Variants in GULP1 observed in about 807,000 individuals in gnomAD.
The protein encoded by GULP1 is GULP PTB domain containing engulfment adaptor 1, also known as PTB domain-containing engulfment adapter protein 1.
Under a neutral mutation model 40.9 loss-of-function variants are expected in GULP1, and 19 were observed. The ratio of observed to expected loss-of-function variants is 0.46; its 90% CI spans 0.32 to 0.68. GULP1 has a LOEUF of 0.68. Among genes scored for constraint, GULP1 ranks in the 30% least tolerant of loss-of-function variants. The pLI is 0.03. For synonymous variants in GULP1, 119 were observed against 117.6 expected (o/e 1.01, Z -0.08); for missense variants, 312 against 362.2 (o/e 0.86, Z 1.12).
chr2:188,470,954 A>G (rs2060538248), intron 2 of GULP1, among the ~76,000 whole-genome samples: 1 of 151,624 alleles, frequency 6.6e-6, no homozygotes, highest in African/African-American at 2.4e-5. Flanking sequence ...TTAAGTTTGA[A>G]GTTGCTTTGT....
chr2:188,499,067 A>G (rs934639863), intron 4 of GULP1, among the ~76,000 whole-genome samples: 2 of 149,146 alleles, frequency 1.3e-5, no homozygotes, highest in Non-Finnish European at 3.0e-5. Context: ...AATTAAATTC[A>G]TAAATGTATG....
At chr2:188,416,532 C>A (rs1339017241) in intron 2 of GULP1, among the ~76,000 whole-genome samples, 1 of 152,138 alleles carries the variant, frequency 6.6e-6, no homozygotes, top group Non-Finnish European at 1.5e-5. Context: ...AGGCTAGACA[C>A]TCAGTTTCAG....
chr2:188,555,638 A>T (rs1270863342), intron 7 of GULP1, among the ~76,000 whole-genome samples: 1 of 152,136 alleles, frequency 6.6e-6, no homozygotes, highest in Non-Finnish European at 1.5e-5. Context: ...TGTTTTTATA[A>T]TTCTTTATCT....
At chr2:188,475,062 G>T (rs1390297892) in intron 2 of GULP1, among the ~76,000 whole-genome samples, 2 of 152,074 alleles carry the variant, frequency 1.3e-5, no homozygotes, top group Non-Finnish European at 2.9e-5. Context: ...TACATTGAAT[G>T]CCAACCTAGT....
intron 2 of GULP1, among the ~76,000 whole-genome samples, chr2:188,409,529 AGAT>A (rs893739755): frequency 2.0e-5 from 3 of 152,184 alleles, no homozygotes; most frequent in African/African-American, 7.2e-5. Flanking sequence ...CCAAACATTT[AGAT>A]AAGAATTAAT....
intron 1 of GULP1, among the ~76,000 whole-genome samples, chr2:188,375,317 A>G (rs935362475): frequency 6.6e-6 from 1 of 152,246 alleles, no homozygotes; most frequent in Non-Finnish European, 1.5e-5. Flanking sequence ...GGGAAATTGG[A>G]AGACTGAATA....
intron 7 of GULP1, among the ~76,000 whole-genome samples, chr2:188,555,766 G>A (rs1694584643): frequency 6.6e-6 from 1 of 152,066 alleles, no homozygotes; most frequent in Admixed American, 6.6e-5. Context: ...TAGACTTAGA[G>A]AGTTTTCATC....
intron 7 of GULP1, among the ~76,000 whole-genome samples, chr2:188,554,860 A>G (rs969580678): frequency 6.6e-6 from 1 of 152,034 alleles, no homozygotes; most frequent in African/African-American, 2.4e-5. Context: ...AAATTGTTAT[A>G]TCGTCTCACT....
At chr2:188,364,255 G>A (rs2046451072) in intron 1 of GULP1, among the ~76,000 whole-genome samples, 1 of 152,038 alleles carries the variant, frequency 6.6e-6, no homozygotes, top group Non-Finnish European at 1.5e-5. Flanking sequence ...TTGCATTTCT[G>A]TTATGTGGAG....
At chr2:188,354,718 CCATTTTATTTAA>C (rs1359417402) in intron 1 of GULP1, among the ~76,000 whole-genome samples, 3 of 152,144 alleles carry the variant, frequency 2.0e-5, no homozygotes, top group African/African-American at 7.2e-5. Flanking sequence ...CATTTTCCGA[CCATTTTATTTAA>C]CATATGCAGA....
At chr2:188,334,506 A>G (rs1240090549) in intron 1 of GULP1, among the ~76,000 whole-genome samples, 4 of 152,164 alleles carry the variant, frequency 2.6e-5, no homozygotes, top group Non-Finnish European at 5.9e-5. Context: ...TGGTCCATGT[A>G]TAAGAGTTTT....
chr2:188,522,923 G>A, intron 5 of GULP1, 96 bp downstream of exon 5: 2 of 750,850 alleles, frequency 2.7e-6, no homozygotes, highest in South Asian at 3.0e-5. Flanking sequence ...TTTGCTGCAG[G>A]TATAGCTTCA....
chr2:188,309,185 G>C (rs1396664904), intron 1 of GULP1, among the ~76,000 whole-genome samples: 1 of 152,164 alleles, frequency 6.6e-6, no homozygotes, highest in Non-Finnish European at 1.5e-5. Flanking sequence ...GAAGGAATTG[G>C]CTAGGCTTGG....
intron 10 of GULP1, 57 bp from the exon 11 acceptor site, chr2:188,587,794 TCTAA>T (rs1702707520): frequency 1.8e-5 from 16 of 883,208 alleles, no homozygotes; most frequent in Non-Finnish European, 7.5e-6. Flanking sequence ...GCCTTTGAAA[TCTAA>T]CTAACTCCAG....
At chr2:188,513,221 G>A (rs1358446191) in intron 4 of GULP1, among the ~76,000 whole-genome samples, 2 of 152,094 alleles carry the variant, frequency 1.3e-5, no homozygotes, top group Admixed American at 1.3e-4. Flanking sequence ...TATATGCCAT[G>A]CTGTTATAAC....
At chr2:188,383,475 T>C (rs1303117018) in intron 1 of GULP1, among the ~76,000 whole-genome samples, 1 of 152,196 alleles carries the variant, frequency 6.6e-6, no homozygotes, top group Non-Finnish European at 1.5e-5. Flanking sequence ...GGGAAAGGCA[T>C]ATATTGTTAA....
intron 2 of GULP1, among the ~76,000 whole-genome samples, chr2:188,414,084 G>C (rs924598437): frequency 2.0e-5 from 3 of 151,918 alleles, no homozygotes; most frequent in Non-Finnish European, 4.4e-5. Flanking sequence ...AGGCATGGTG[G>C]TGCGTGCCTG....
intron 1 of GULP1, among the ~76,000 whole-genome samples, chr2:188,342,712 ATTATC>A (rs1401575426): frequency 1.3e-5 from 2 of 152,202 alleles, no homozygotes; most frequent in African/African-American, 4.8e-5. Flanking sequence ...TTGTATGTAC[ATTATC>A]TTAATGCCAC....
At chr2:188,394,758 T>C (rs1161920659) in intron 2 of GULP1, among the ~76,000 whole-genome samples, 1 of 152,226 alleles carries the variant, frequency 6.6e-6, no homozygotes, top group Non-Finnish European at 1.5e-5. Context: ...TACTTTATGG[T>C]AACCTAATGC....
Sources: gnomAD v4.1 joint callset for allele counts (sites outside exome capture counted in the v4.1 genomes callset) on GRCh38, gnomAD v4.1.1 for gene constraint, MANE v1.5 for transcripts, NCBI Gene and HGNC (gene_info 2026-07-23, HGNC 2026-07-21) for gene names.